The following EDA variants were observed in gnomAD, a reference collection of about 807,000 sequenced individuals.
EDA encodes ectodysplasin A.
Under a neutral mutation model 23.6 loss-of-function variants are expected in EDA, and 2 were observed. That is an observed-to-expected ratio of 0.08 (90% CI 0.03 to 0.27). EDA has a LOEUF of 0.27. EDA is among the 10% of genes least tolerant of loss of function. The pLI is 1.00. For missense variants in EDA, 229 were observed against 324.2 expected (o/e 0.71, Z 2.26); for synonymous variants, 131 against 132.0 (o/e 0.99, Z 0.05).
chrX:69,809,951 T>C (rs1223014811), intron 1 of EDA, among the ~76,000 whole-genome samples: 1 of 110,828 alleles, frequency 9.0e-6, no homozygotes, highest in East Asian at 2.8e-4. Flanking sequence ...TTAGTTATTG[T>C]TTCCTCCTCC....
intron 1 of EDA, among the ~76,000 whole-genome samples, chrX:69,805,538 A>C (rs1023183837): frequency 1.8e-5 from 2 of 111,659 alleles, no homozygotes; most frequent in Admixed American, 1.9e-4. Flanking sequence ...TGCTTAGGAA[A>C]GTAAGACAAA....
intron 1 of EDA, among the ~76,000 whole-genome samples, chrX:69,645,536 G>A (rs1344446374): frequency 4.4e-5 from 4 of 91,495 alleles, no homozygotes; most frequent in Admixed American, 3.8e-4. Context: ...GTTATTTCTT[G>A]TCCTCTGCTA....
intron 1 of EDA, among the ~76,000 whole-genome samples, chrX:69,845,790 A>G (rs776098965): frequency 7.2e-5 from 8 of 111,807 alleles, no homozygotes; most frequent in Non-Finnish European, 1.9e-5. Flanking sequence ...GTCATATCCT[A>G]AGGGCACTCA....
At chrX:69,783,729 G>A (rs2015039579) in intron 1 of EDA, among the ~76,000 whole-genome samples, 1 of 111,191 alleles carries the variant, frequency 9.0e-6, no homozygotes, top group Non-Finnish European at 1.9e-5. Flanking sequence ...GTTTGCTATT[G>A]TGAATAATGC....
At chrX:69,691,444 A>C (rs1934708809) in intron 1 of EDA, among the ~76,000 whole-genome samples, 1 of 111,871 alleles carries the variant, frequency 8.9e-6, no homozygotes, top group Admixed American at 9.5e-5. Context: ...AAAGTCTGAA[A>C]AAATATTTTT....
At chrX:69,885,776 C>T (rs768325547) in intron 1 of EDA, among the ~76,000 whole-genome samples, 1 of 111,885 alleles carries the variant, frequency 8.9e-6, no homozygotes, top group African/African-American at 3.2e-5. Flanking sequence ...GACCCGGAAA[C>T]AGCCCCATCT....
chrX:69,813,395 C>T (rs1301384415), intron 1 of EDA, among the ~76,000 whole-genome samples: 1 of 111,779 alleles, frequency 8.9e-6, no homozygotes. Flanking sequence ...CAAGACTCAG[C>T]TCACATATCT....
intron 2 of EDA, among the ~76,000 whole-genome samples, chrX:70,007,702 A>C (rs1255042526): frequency 9.0e-6 from 1 of 111,583 alleles, no homozygotes; most frequent in South Asian, 3.8e-4. Context: ...TGACATCTTA[A>C]CAATATTGAG....
chrX:69,663,825 C>T (rs1933593994), intron 1 of EDA, among the ~76,000 whole-genome samples: 1 of 112,546 alleles, frequency 8.9e-6, no homozygotes, highest in Non-Finnish European at 1.9e-5. Flanking sequence ...CTTGCATCAG[C>T]GTTACCTGGA....
At chrX:69,922,957 C>CCA (rs750131045) in intron 1 of EDA, among the ~76,000 whole-genome samples, 21 of 110,501 alleles carry the variant, frequency 1.9e-4, no homozygotes, top group Admixed American at 2.9e-4. Context: ...ATTACCATCA[C>CCA]CACACACACA....
rs184587578 is a variant in EDA, at chrX:69,981,763, T to C, written c.502+24631T>C. Among the ~76,000 whole-genome samples the C allele has an allele frequency of 2.4e-3, 269 of 112,349 alleles. 2 individuals are homozygous for C. The highest frequency in any genetic ancestry group is 8.2e-3 in the African/African-American group (255 of 30,997). ...TGTGAAGTTAGTATTATTATTCTCA[T>C]TTTATAGACAAGAAAACTATGGCTC... is the stretch of plus-strand genomic sequence containing the variant. On this transcript the variant is annotated intron_variant, in intron 2 of 7. Transcript: ENST00000374552.
At chrX:70,007,402 A>G (rs765874981) in intron 2 of EDA, among the ~76,000 whole-genome samples, 5 of 111,437 alleles carry the variant, frequency 4.5e-5, no homozygotes. Context: ...AGTTACTCCC[A>G]TGCTGTTCTG....
intron 1 of EDA, among the ~76,000 whole-genome samples, chrX:69,722,115 T>C (rs1011795261): frequency 2.7e-5 from 3 of 112,250 alleles, no homozygotes; most frequent in Non-Finnish European, 5.6e-5. Context: ...CGAGTGCTTC[T>C]TAATCTTTTC....
intron 1 of EDA, among the ~76,000 whole-genome samples, chrX:69,654,022 A>G (rs1933204435): frequency 9.0e-6 from 1 of 111,614 alleles, no homozygotes; most frequent in African/African-American, 3.3e-5. Context: ...CAACCTACAG[A>G]ATGGGAGAAA....
intron 1 of EDA, among the ~76,000 whole-genome samples, chrX:69,682,569 G>C (rs1181742037): frequency 8.9e-6 from 1 of 112,114 alleles, no homozygotes; most frequent in Non-Finnish European, 1.9e-5. Flanking sequence ...ATTCGGGTGG[G>C]AGTGACCCGA....
intron 1 of EDA, among the ~76,000 whole-genome samples, chrX:69,800,478 A>G (rs952873342): frequency 9.0e-6 from 1 of 111,436 alleles, no homozygotes; most frequent in African/African-American, 3.3e-5. Context: ...GCATGTAATA[A>G]AATTTCATGT....
At chrX:69,793,736 A>G (rs2015476802) in intron 1 of EDA, among the ~76,000 whole-genome samples, 1 of 109,796 alleles carries the variant, frequency 9.1e-6, no homozygotes, top group Non-Finnish European at 1.9e-5. Flanking sequence ...AATCAAAACT[A>G]CCTATAAGCT....
chrX:69,769,655 T>C (rs1370502088), intron 1 of EDA, among the ~76,000 whole-genome samples: 2 of 111,610 alleles, frequency 1.8e-5, no homozygotes, highest in Admixed American at 9.6e-5. Context: ...GCAAAGCCTT[T>C]GTTGGATGAT....
intron 1 of EDA, among the ~76,000 whole-genome samples, chrX:69,707,012 G>A (rs1160670945): frequency 9.0e-6 from 1 of 111,203 alleles, no homozygotes; most frequent in African/African-American, 3.3e-5. Flanking sequence ...AGGATAAAGA[G>A]AAAGATGGAG....
Sources: allele counts gnomAD v4.1 joint callset (sites outside exome capture counted in the v4.1 genomes callset), GRCh38; gene constraint gnomAD v4.1.1; transcripts MANE v1.5; gene names NCBI Gene and HGNC (gene_info 2026-07-23, HGNC 2026-07-21).